ZNF208: variants seen among roughly 807,000 people sequenced by gnomAD.
ZNF208 encodes the protein zinc finger protein 208.
ZNF208 carries 10 observed loss-of-function variants against 12.1 expected under a neutral mutation model. The observed-to-expected ratio is 0.83, with a 90% CI of 0.51 to 1.40. ZNF208 has a LOEUF of 1.40. Ranked by LOEUF, ZNF208 falls within the 40% of genes most tolerant of loss-of-function variation. The probability of loss-of-function intolerance (pLI) is 0.00; values close to 1 mark genes in which losing one functional copy is unlikely to be tolerated. For missense variants in ZNF208, 1,652 were observed against 1,485.0 expected, an observed-to-expected ratio of 1.11 and a Z score of -1.85; for synonymous variants, 497 against 488.4, an observed-to-expected ratio of 1.02 and a Z score of -0.23.
At position 21,988,903 on chromosome 19, in the gene ZNF208, A is replaced by G. The variant is rs755891918; in HGVS notation, c.10T>C (p.Leu4=). The change falls in exon 2 of 4, where the codon TTG becomes CTG. Residue 4 remains leucine, a synonymous_variant. Coordinates refer to ENST00000397126, the MANE Select transcript of ZNF208 (RefSeq NM_007153.3). ...TCTATGGCCACATCCCTAAATGTCA[A>G]TGATCCCTGGAAAACACAAACACAC... MGS[L]TFRDVAIEFS... is the part of the protein sequence containing the mutation. 20 of 1,613,970 alleles carry G rather than the reference A, an allele frequency of 1.2e-5. No homozygotes were observed. The highest frequency in any genetic ancestry group is 1.7e-5 in the Non-Finnish European group (20 of 1,179,912).
downstream of ZNF208, among the ~76,000 whole-genome samples, chr19:21,964,147 T>G (rs1285625409): frequency 2.6e-5 from 4 of 151,902 alleles, no homozygotes; most frequent in Non-Finnish European, 5.9e-5. Flanking sequence ...ACTAATACTT[T>G]TTTTATAAGA....
intron 4 of ZNF208, among the ~76,000 whole-genome samples, chr19:21,953,350 A>G (rs1445040465): frequency 6.6e-6 from 1 of 152,178 alleles, no homozygotes; most frequent in East Asian, 1.9e-4. Context: ...AGCAACTCCA[A>G]GACACATAAT....
rs763000918 is a variant in ZNF208, at chr19:21,974,309, G to A, written c.725C>T (p.Ser242Leu). The A allele has an allele frequency of 6.2e-7, 1 of 1,613,648 alleles. No homozygotes were observed. Among genetic ancestry groups the A allele is most frequent in the Non-Finnish European group, 8.5e-7 (1 of 1,179,792 alleles). The change falls in exon 4 of 4, where the codon TCA (serine) becomes TTA (leucine). Residue 242 changes from serine to leucine, a missense_variant. By Grantham distance (145) the Ser-to-Leu change is moderately radical. Coordinates refer to ENST00000397126, the MANE Select transcript of ZNF208 (RefSeq NM_007153.3). ...AATTACCTTATGTTTAGTAAGGATT[G>A]AGAACTTACTAAAGGCTTTGCCACA... is the stretch of plus-strand genomic sequence containing the variant. ...KECGKAFSKF[S>L]ILTKHKVIHT...
intron 4 of ZNF208, among the ~76,000 whole-genome samples, chr19:21,942,073 C>A (rs1290499074): frequency 1.3e-5 from 2 of 152,092 alleles, no homozygotes; most frequent in Non-Finnish European, 2.9e-5. Context: ...TCTACAAATT[C>A]AGGCTTCAGT....
downstream of ZNF208, among the ~76,000 whole-genome samples, chr19:21,964,607 CAAT>C (rs1320209229): frequency 6.6e-6 from 1 of 151,708 alleles, no homozygotes; most frequent in African/African-American, 2.4e-5. Context: ...TGGATTCTAA[CAAT>C]GATATCTCTC....
downstream of ZNF208, among the ~76,000 whole-genome samples, chr19:21,961,834 T>C (rs571931763): frequency 8.5e-5 from 13 of 152,296 alleles, no homozygotes; most frequent in South Asian, 1.7e-3. Context: ...GCAGACCTTA[T>C]GGTTGTCTTC....
chr19:21,991,035 A>G (rs1406263497), intron 1 of ZNF208, among the ~76,000 whole-genome samples: 1 of 152,202 alleles, frequency 6.6e-6, no homozygotes, highest in Non-Finnish European at 1.5e-5. Flanking sequence ...TAGATATACA[A>G]TCATGTCATC....
At chr19:21,965,081 G>C (rs1391721514), downstream of ZNF208, among the ~76,000 whole-genome samples, 4 of 151,896 alleles carry the variant, frequency 2.6e-5, no homozygotes, top group Non-Finnish European at 5.9e-5. Flanking sequence ...ATAAATAACT[G>C]CTTTCCAGTA....
At position 21,966,792 on chromosome 19, in the gene ZNF208, T is replaced by C. The variant is rs1452926990; in HGVS notation, c.*4399A>G. The C allele has an allele frequency of 6.6e-6, 1 of 152,190 alleles. No homozygotes were observed. The highest frequency in any genetic ancestry group is 1.5e-5 in the Non-Finnish European group (1 of 68,016). 9.4% of individuals were successfully genotyped at this position (152,190 alleles called of 1,614,324 possible). ...ATTTATCTTACTTTTAATAAGTCAT[T>C]CTTACTGGTATGAAATAGTATCACA... is the stretch of plus-strand genomic sequence containing the variant. On this transcript the variant is annotated 3_prime_UTR_variant, in exon 4 of 4. Coordinates refer to ENST00000397126, the MANE Select transcript of ZNF208 (RefSeq NM_007153.3).
rs188643599 is a variant in ZNF208 at position 21,972,982 on chromosome 19, C to T, written c.2052G>A (p.Lys684=). The part of the protein sequence containing the change: ...FSKFSILTKH[K]VIHTGEKPYK... ...AGGGTTTCTCTCCAGTATGAATTACCTTATGTTTAGTAAGGATTGAGAACT... is the reference window on the plus strand; with the variant it reads ...AGGGTTTCTCTCCAGTATGAATTACTTTATGTTTAGTAAGGATTGAGAACT... Residue 684 remains lysine, a synonymous_variant, in exon 4 of 4, where the codon AAG becomes AAA. Transcript: ENST00000397126. 1.4e-3 allele frequency: 2,309 copies of T among 1,610,606 alleles called. 30 individuals are homozygous for T. The African/African-American group carries it at 0.027, about 19-fold the overall frequency.
At chr19:21,978,374 G>A (rs530971947) in intron 3 of ZNF208, among the ~76,000 whole-genome samples, 7 of 152,332 alleles carry the variant, frequency 4.6e-5, no homozygotes, top group Admixed American at 1.3e-4. Flanking sequence ...CCAGAGGAAG[G>A]AACAGGCAGC....
chr19:21,975,364 TGC>T (rs1422127183), intron 3 of ZNF208, among the ~76,000 whole-genome samples: 1 of 152,178 alleles, frequency 6.6e-6, no homozygotes, highest in African/African-American at 2.4e-5. Flanking sequence ...ACTGCAGTCC[TGC>T]AGAGAGAGAC....
At chr19:21,994,949 C>CTTTT (rs376025647) in intron 1 of ZNF208, among the ~76,000 whole-genome samples, 1 of 38,218 alleles carries the variant, frequency 2.6e-5, no homozygotes, top group African/African-American at 1.1e-4. Context: ...ATCTGTTTTT[C>CTTTT]TTTTCTTTTT....
intron 4 of ZNF208, among the ~76,000 whole-genome samples, chr19:21,951,706 C>G (rs182359267): frequency 6.6e-5 from 10 of 152,242 alleles, no homozygotes; most frequent in Admixed American, 6.5e-4. Flanking sequence ...AGGAAGAGCT[C>G]TGGTCTGCAG....
chr19:22,008,732 TA>T (rs1227668979), intron 1 of ZNF208, among the ~76,000 whole-genome samples: 1 of 152,144 alleles, frequency 6.6e-6, no homozygotes, highest in Non-Finnish European at 1.5e-5. Flanking sequence ...CTGCGTTGGG[TA>T]AAGACAACAC....
intron 3 of ZNF208, 118 bp from the exon 4 acceptor site, chr19:21,974,925 C>A: frequency 8.3e-7 from 1 of 1,210,944 alleles, no homozygotes; most frequent in Non-Finnish European, 1.1e-6. Flanking sequence ...TGCAATATGA[C>A]ACAGGCCCTA....
chr19:22,000,046 G>T (rs1490790910), intron 1 of ZNF208, among the ~76,000 whole-genome samples: 2 of 152,028 alleles, frequency 1.3e-5, no homozygotes, highest in African/African-American at 2.4e-5. Context: ...AAACTCCATG[G>T]GTTCACATGA....
intron 1 of ZNF208, among the ~76,000 whole-genome samples, chr19:22,001,264 A>G (rs1006175435): frequency 2.7e-5 from 4 of 150,544 alleles, no homozygotes; most frequent in Non-Finnish European, 5.9e-5. Flanking sequence ...CAGCCTAGGC[A>G]ACAAGAGCGA....
intron 4 of ZNF208, among the ~76,000 whole-genome samples, chr19:21,951,485 T>C (rs1969886849): frequency 6.6e-6 from 1 of 152,220 alleles, no homozygotes; most frequent in East Asian, 1.9e-4. Context: ...AAGCAAATTT[T>C]TGAAATACCA....
Sources: allele counts gnomAD v4.1 joint callset (sites outside exome capture counted in the v4.1 genomes callset), GRCh38; gene constraint gnomAD v4.1.1; transcripts MANE v1.5; gene names NCBI Gene and HGNC (gene_info 2026-07-23, HGNC 2026-07-21).